GRID1: variants seen among roughly 807,000 people sequenced by gnomAD.
GRID1 encodes glutamate ionotropic receptor delta type subunit 1.
In GRID1, 28 loss-of-function variants were observed where a neutral mutation model predicts 98.0. The observed-to-expected ratio is 0.29, with a 90% CI of 0.21 to 0.39. The LOEUF (loss-of-function observed/expected upper bound fraction) is 0.39, where lower values mean the gene tolerates loss of function less well. Among genes scored for constraint, GRID1 ranks in the 10% least tolerant of loss-of-function variants. The pLI, the probability that GRID1 is intolerant of heterozygous loss-of-function variation, is 1.00. For missense variants in GRID1, 1,111 were observed against 1,340.5 expected, an observed-to-expected ratio of 0.83 and a Z score of 2.67; for synonymous variants, 553 against 538.5, an observed-to-expected ratio of 1.03 and a Z score of -0.37.
At chr10:85,701,142 G>C (rs1442678952) in intron 12 of GRID1, among the ~76,000 whole-genome samples, 1 of 152,012 alleles carries the variant, frequency 6.6e-6, no homozygotes, top group Non-Finnish European at 1.5e-5. Context: ...AGGGGAGAAG[G>C]AAAAAATTAA....
chr10:85,898,695 T>C (rs1202042783), intron 5 of GRID1, among the ~76,000 whole-genome samples: 1 of 152,172 alleles, frequency 6.6e-6, no homozygotes, highest in African/African-American at 2.4e-5. Flanking sequence ...CTTGTCTCAC[T>C]AGAAGGTCTT....
At chr10:85,730,504 C>T (rs984995877) in intron 8 of GRID1, among the ~76,000 whole-genome samples, 18 of 152,218 alleles carry the variant, frequency 1.2e-4, no homozygotes, top group African/African-American at 3.4e-4. Flanking sequence ...GTGTTAATGC[C>T]TCCTGAGTGC....
In GRID1 at chr10:86,192,296, G is replaced by A. The variant is rs958562647; in HGVS notation, c.520+14068C>T. Among the ~76,000 whole-genome samples, 1 of 152,130 alleles carries A rather than the reference G, an allele frequency of 6.6e-6. No homozygotes were observed. Among genetic ancestry groups the A allele is most frequent in the African/African-American group, 2.4e-5 (1 of 41,412 alleles). On this transcript the variant is annotated intron_variant, in intron 3 of 15. Transcript: ENST00000327946. This position sits in a 1 kb window ranked among gnomAD's most constrained non-coding sequence, Gnocchi z 4.8. ...TAGAAGCAACCCTTAAGTGTCCATC[G>A]ATGGATGAATAGGTCAATAAAATTC...
chr10:86,252,651 C>T (rs1387697035), intron 2 of GRID1, among the ~76,000 whole-genome samples: 1 of 152,246 alleles, frequency 6.6e-6, no homozygotes, highest in Non-Finnish European at 1.5e-5. Context: ...AGACACTCAG[C>T]ATCTGTCACC....
At chr10:85,628,016 CGT>C (rs143954388) in intron 13 of GRID1, among the ~76,000 whole-genome samples, 5,052 of 151,328 alleles carry the variant, frequency 0.033, 122 homozygotes, top group Non-Finnish European at 0.048. Flanking sequence ...AGAGTGTGAG[CGT>C]GTGTGTGTGT....
intron 8 of GRID1, among the ~76,000 whole-genome samples, chr10:85,730,483 G>C: frequency 6.6e-6 from 1 of 152,208 alleles, no homozygotes; most frequent in African/African-American, 2.4e-5. Flanking sequence ...CTCAGGGCCT[G>C]AGCATAGGAA....
At chr10:85,791,056 C>A (rs1188665130) in intron 8 of GRID1, among the ~76,000 whole-genome samples, 1 of 152,196 alleles carries the variant, frequency 6.6e-6, no homozygotes, top group Non-Finnish European at 1.5e-5. Context: ...CTAGCGATGG[C>A]CACCCATGGT....
intron 4 of GRID1, among the ~76,000 whole-genome samples, chr10:85,958,649 T>C (rs4933381): frequency 0.3 from 45,170 of 151,962 alleles, 7,635 homozygotes; most frequent in African/African-American, 0.44. Flanking sequence ...CAGTTGAAGA[T>C]CTGAATAAAA....
intron 5 of GRID1, among the ~76,000 whole-genome samples, chr10:85,888,842 C>A (rs1841154684): frequency 6.6e-6 from 1 of 152,084 alleles, no homozygotes; most frequent in South Asian, 2.1e-4. Flanking sequence ...CTGCTTCTGC[C>A]ATAGAAAATT....
chr10:86,176,380 T>C (rs1845575490), intron 3 of GRID1, among the ~76,000 whole-genome samples: 1 of 152,218 alleles, frequency 6.6e-6, no homozygotes, highest in Non-Finnish European at 1.5e-5. Flanking sequence ...CTTGGCCTTA[T>C]TATATTCATC....
intron 3 of GRID1, among the ~76,000 whole-genome samples, chr10:86,146,965 T>C (rs1463359305): frequency 1.3e-5 from 2 of 152,190 alleles, no homozygotes; most frequent in Non-Finnish European, 1.5e-5. Flanking sequence ...AGCAAAGGTA[T>C]GGCACATCCA....
intron 8 of GRID1, among the ~76,000 whole-genome samples, chr10:85,788,002 A>G (rs1052174037): frequency 7.9e-5 from 12 of 151,910 alleles, no homozygotes; most frequent in African/African-American, 2.9e-4. Flanking sequence ...TACTGAGCAC[A>G]TCACAAGGAT....
chr10:85,884,541 T>C (rs1841084755), intron 5 of GRID1, among the ~76,000 whole-genome samples: 1 of 152,214 alleles, frequency 6.6e-6, no homozygotes, highest in African/African-American at 2.4e-5. Context: ...ATCATCTCAT[T>C]ATCGTGACTG....
intron 3 of GRID1, among the ~76,000 whole-genome samples, chr10:86,194,327 T>A (rs915629883): frequency 6.6e-6 from 1 of 152,078 alleles, no homozygotes; most frequent in Non-Finnish European, 1.5e-5. Context: ...CTCTGCAGAA[T>A]GTTGTGCAAC....
chr10:85,600,931 T>G lies in GRID1; in HGVS notation c.*1342A>C, dbSNP rs1287355265. 6.6e-6 allele frequency: 1 copy of G among 152,300 alleles called. No homozygotes were observed. Among genetic ancestry groups the G allele is most frequent in the Admixed American group, 6.5e-5 (1 of 15,270 alleles). 9.4% of individuals were successfully genotyped at this position (152,300 alleles called of 1,614,324 possible). A position where few individuals can be genotyped will look rare whatever the true frequency, so the allele number is the denominator to read the frequency against. On this transcript the variant is annotated 3_prime_UTR_variant, in exon 16 of 16. Transcript: ENST00000327946. ...ATTGCTGCTTGAAGAGGACTCCAGG[T>G]CTGGTCTGGAGAGGGTCGTAAAGGT... is the stretch of plus-strand genomic sequence containing the variant.
intron 8 of GRID1, among the ~76,000 whole-genome samples, chr10:85,738,178 G>A (rs959191979): frequency 6.6e-6 from 1 of 152,052 alleles, no homozygotes; most frequent in Non-Finnish European, 1.5e-5. Context: ...TATGTATCAG[G>A]TATACATAAA....
intron 12 of GRID1, among the ~76,000 whole-genome samples, chr10:85,689,723 G>A (rs1206906684): frequency 1.3e-5 from 2 of 151,994 alleles, no homozygotes; most frequent in Non-Finnish European, 2.9e-5. Context: ...AATCCTGTAG[G>A]AATATTATTT....
At chr10:85,758,405 T>C (rs1842118529) in intron 8 of GRID1, among the ~76,000 whole-genome samples, 1 of 152,176 alleles carries the variant, frequency 6.6e-6, no homozygotes. Context: ...TTCACTCACA[T>C]GGCTGGCAAG....
At chr10:85,628,760 C>A (rs117854778) in intron 13 of GRID1, among the ~76,000 whole-genome samples, 5,120 of 152,244 alleles carry the variant, frequency 0.034, 126 homozygotes, top group Non-Finnish European at 0.047. Context: ...CAGCTGAACT[C>A]TCCACAAATA....
Sources: allele counts gnomAD v4.1 joint callset (sites outside exome capture counted in the v4.1 genomes callset), GRCh38; gene constraint gnomAD v4.1.1; non-coding constraint Gnocchi (gnomAD v3.1); transcripts MANE v1.5; gene names NCBI Gene and HGNC (gene_info 2026-07-23, HGNC 2026-07-21).